Variants in RBM33 observed in about 807,000 individuals in gnomAD.
The protein encoded by RBM33 is RNA-binding protein 33.
Under a neutral mutation model 132.6 loss-of-function variants are expected in RBM33, and 28 were observed. That is an observed-to-expected ratio of 0.21 (90% CI 0.16 to 0.29). The LOEUF (loss-of-function observed/expected upper bound fraction) is 0.29, where lower values mean the gene tolerates loss of function less well. RBM33 is among the 10% of genes least tolerant of loss of function. The pLI is 1.00. For missense variants in RBM33, 1,291 were observed against 1,518.5 expected, an observed-to-expected ratio of 0.85 and a Z score of 2.49; for synonymous variants, 634 against 593.0, an observed-to-expected ratio of 1.07 and a Z score of -1.01.
At chr7:155,754,209 CAG>C (rs1801774577) in intron 14 of RBM33, among the ~76,000 whole-genome samples, 1 of 152,126 alleles carries the variant, frequency 6.6e-6, no homozygotes. Context: ...GCAGGTGAGT[CAG>C]AAATAATTCA....
rs1290516980 is a variant in RBM33 at position 155,774,416 on chromosome 7, G to A, written c.3376-143G>A. ...GATAAGTAAGACAAATTGCCAGGGAGCTAGAAAGGAAAATCAATTAGTGTG... is the reference window on the plus strand; with the variant it reads ...GATAAGTAAGACAAATTGCCAGGGAACTAGAAAGGAAAATCAATTAGTGTG... On this transcript the variant is annotated intron_variant, in intron 16 of 17. Coordinates refer to ENST00000401878, the MANE Select transcript of RBM33 (RefSeq NM_053043.3). The surrounding 1 kb of genome is among the most constrained non-coding windows in gnomAD (Gnocchi z 4.2). The A allele has an allele frequency of 8.2e-6, 5 of 606,554 alleles. No individual in the cohort carries two copies. Among genetic ancestry groups the A allele is most frequent in the Non-Finnish European group, 1.4e-5 (5 of 346,796 alleles). The allele number at this position is 606,554 out of a possible 1,614,324, so 37.6% of individuals were successfully genotyped here. A position where few individuals can be genotyped will look rare whatever the true frequency, so the allele number is the denominator to read the frequency against.
chr7:155,673,798 A>ACACACC (rs1297448595), intron 3 of RBM33, among the ~76,000 whole-genome samples: 3 of 144,086 alleles, frequency 2.1e-5, no homozygotes, highest in Admixed American at 1.4e-4. Flanking sequence ...ACACACACAC[A>ACACACC]CACCCCTACC....
rs575174951 is a variant in RBM33 at position 155,679,556 on chromosome 7, A to G, written c.248+872A>G. 4.6e-5 allele frequency among the ~76,000 whole-genome samples: 7 copies of G among 152,358 alleles called. No individual in the cohort carries two copies. In the South Asian group the frequency reaches 1.4e-3, roughly 32 times the overall value. ...TATTTTATGAGGAAACATCGGGAAA[A>G]TGTAGACAAGCTCTTGTTATAAATG... On this transcript the variant is annotated intron_variant, in intron 4 of 17. Coordinates refer to ENST00000401878, the MANE Select transcript of RBM33 (RefSeq NM_053043.3).
chr7:155,655,418 T>C (rs1025133884), intron 1 of RBM33, among the ~76,000 whole-genome samples: 1 of 152,196 alleles, frequency 6.6e-6, no homozygotes, highest in Non-Finnish European at 1.5e-5. Context: ...CTTGTACATA[T>C]TACCTTTGTT....
intron 16 of RBM33, 50 bp downstream of exon 16, chr7:155,766,705 C>CA: frequency 6.5e-7 from 1 of 1,540,442 alleles, no homozygotes; most frequent in Non-Finnish European, 8.8e-7. Flanking sequence ...TGTCCCAAGA[C>CA]AAAATCATTT....
intron 8 of RBM33, among the ~76,000 whole-genome samples, chr7:155,712,399 T>C (rs1800332106): frequency 6.6e-6 from 1 of 152,246 alleles, no homozygotes; most frequent in Non-Finnish European, 1.5e-5. Context: ...TTGAGTTATA[T>C]TGACGAACAA....
chr7:155,684,926 C>T (rs1023876073), intron 5 of RBM33: 3 of 1,549,226 alleles, frequency 1.9e-6, no homozygotes, highest in Non-Finnish European at 2.6e-6. Context: ...TCTTTAATGG[C>T]TGTTAGGATG....
chr7:155,751,021 T>C lies in RBM33; in HGVS notation c.2979+5419T>C, dbSNP rs965132173. On this transcript the variant is annotated intron_variant, in intron 14 of 17. Transcript: ENST00000401878. Reference sequence around the variant, plus strand: ...GTTTATTTGTGGGATCATGCATTTATGGCTTTGGACTGCATTTGTAAATTT... The same window carrying C: ...GTTTATTTGTGGGATCATGCATTTACGGCTTTGGACTGCATTTGTAAATTT... Among the ~76,000 whole-genome samples the C allele has an allele frequency of 7.0e-4, 106 of 152,222 alleles. 1 individual carries two copies.
At chr7:155,694,185 C>A (rs1799726156) in intron 5 of RBM33, among the ~76,000 whole-genome samples, 1 of 152,040 alleles carries the variant, frequency 6.6e-6, no homozygotes, top group African/African-American at 2.4e-5. Flanking sequence ...AATTGAAAAG[C>A]CTATTTTAGG....
chr7:155,775,015 A>G lies in RBM33; in HGVS notation c.3487A>G (p.Ile1163Val). The stretch of plus-strand genomic sequence containing the variant: ...CAGGCATATGATAGATTTGTCCCAC[A>G]TAAATGTGGCCCTGATCGTGGAGTG... ...FHRHMIDLSHINVALIVE is the reference protein window; with the variant it reads ...FHRHMIDLSHVNVALIVE Residue 1163 changes from isoleucine (I) to valine (V), a missense_variant, in exon 18 of 18, where the codon ATA becomes GTA. Around this residue, in one of 7 missense-constraint regions of RBM33, gnomAD observed 55 missense variants for 101.4 expected, o/e 0.54. Coordinates refer to ENST00000401878, the MANE Select transcript of RBM33 (RefSeq NM_053043.3). The G allele has an allele frequency of 6.2e-7, 1 of 1,613,896 alleles. No homozygotes were observed. The highest frequency in any genetic ancestry group is 8.5e-7 in the Non-Finnish European group (1 of 1,179,802).
intron 5 of RBM33, among the ~76,000 whole-genome samples, chr7:155,699,374 C>T (rs927146850): frequency 8.5e-5 from 13 of 152,224 alleles, no homozygotes; most frequent in Non-Finnish European, 1.9e-4. Context: ...GATGACTGGG[C>T]ATTGAATTGG....
Position 155,718,455 on chromosome 7 carries a change from C to T in RBM33, c.1260+12C>T. 1 of 1,611,552 alleles carries T rather than the reference C, an allele frequency of 6.2e-7. No individual in the cohort carries two copies. Among genetic ancestry groups the T allele is most frequent in the African/African-American group, 1.3e-5 (1 of 74,948 alleles). On this transcript the variant is annotated intron_variant, in intron 9 of 17. Transcript: ENST00000401878. ...CCCAGAGATTCCCAGTGAGTAGCAG[C>T]TGCTCCTTCTCCTTTGATAGGGATG... is the stretch of plus-strand genomic sequence containing the variant.
rs144243827 is a variant in RBM33 at position 155,742,007 on chromosome 7, C to T, written c.2238C>T (p.Ala746=). ...TCAGCGCGTCACCACCCTCGCGGGC[C>T]GTGGCGGGTTCCAGAAGCTCACAGG... is the stretch of plus-strand genomic sequence containing the variant. The part of the protein sequence containing the change: ...PIVSASPPSR[A]VAGSRSSQGK... The change falls in exon 13 of 18, where the codon GCC becomes GCT. Residue 746 remains alanine, a synonymous_variant. Transcript: ENST00000401878. The T allele has an allele frequency of 2.1e-4, 337 of 1,614,000 alleles. 16 individuals are homozygous for T. In the South Asian group the frequency reaches 3.3e-3, roughly 16 times the overall value.
rs1049820319 is a variant in RBM33 at position 155,745,054 on chromosome 7, C to A, written c.2431C>A (p.Arg811=). The A allele has an allele frequency of 1.9e-6, 3 of 1,609,398 alleles. No individual in the cohort carries two copies. The highest frequency in any genetic ancestry group is 2.5e-6 in the Non-Finnish European group (3 of 1,177,740). Residue 811 remains arginine, a synonymous_variant, in exon 14 of 18, where the codon CGG becomes AGG. Transcript: ENST00000401878. The surrounding 1 kb of genome is among the most constrained non-coding windows in gnomAD (Gnocchi z 4.1). ...REEILKQKEL[R]RQQQAGARKK... Reference sequence around the variant, plus strand: ...AGAAATCCTGAAACAGAAGGAGTTACGGCGGCAGCAGCAGGCTGGTGCCAG... The same window carrying A: ...AGAAATCCTGAAACAGAAGGAGTTAAGGCGGCAGCAGCAGGCTGGTGCCAG...
intron 14 of RBM33, among the ~76,000 whole-genome samples, chr7:155,752,181 T>C (rs1801706265): frequency 6.6e-6 from 1 of 152,214 alleles, no homozygotes; most frequent in African/African-American, 2.4e-5. Context: ...TTGTTCTTTC[T>C]CTGTATGGGC....
intron 9 of RBM33, among the ~76,000 whole-genome samples, chr7:155,725,880 A>AT (rs761643316): frequency 1.3e-5 from 2 of 152,212 alleles, no homozygotes; most frequent in African/African-American, 4.8e-5. Flanking sequence ...AATGTTTAGA[A>AT]TGCATCTATA....
chr7:155,732,223 T>A (rs2117014517), intron 9 of RBM33, among the ~76,000 whole-genome samples: 1 of 152,366 alleles, frequency 6.6e-6, no homozygotes, highest in South Asian at 2.1e-4. Context: ...ACTGATACAT[T>A]AAGCTTTGCT....
intron 9 of RBM33, among the ~76,000 whole-genome samples, chr7:155,724,989 T>TG (rs1491436947): frequency 6.2e-4 from 59 of 94,996 alleles, no homozygotes; most frequent in East Asian, 3.5e-3. Context: ...TGTGTACAGG[T>TG]TTGTGTGTGT....
Position 155,745,180 on chromosome 7 carries a change from A to C in RBM33, c.2557A>C (p.Thr853Pro). 1 of 1,610,692 alleles carries C rather than the reference A, an allele frequency of 6.2e-7. No individual in the cohort carries two copies. Among genetic ancestry groups the C allele is most frequent in the Non-Finnish European group, 8.5e-7 (1 of 1,178,442 alleles). Residue 853 changes from threonine to proline, a missense_variant, in exon 14 of 18, where the codon ACC (threonine) becomes CCC (proline). By Grantham distance (38) the Thr-to-Pro change is conservative (BLOSUM62 -1). Transcript: ENST00000401878. The surrounding 1 kb of genome is among the most constrained non-coding windows in gnomAD (Gnocchi z 4.1). ...QEEQALSPSP[T>P]NGNPLLPFPG... ...AGAGCAGGCACTGTCACCATCACCC[A>C]CCAACGGTAACCCACTGTTGCCCTT... is the stretch of plus-strand genomic sequence containing the variant.
Sources: gnomAD v4.1 joint callset for allele counts (sites outside exome capture counted in the v4.1 genomes callset) on GRCh38, gnomAD v4.1.1 for gene constraint, gnomAD v4.1.1 regional missense constraint, Gnocchi (gnomAD v3.1) non-coding constraint, MANE v1.5 for transcripts, NCBI Gene and HGNC (gene_info 2026-07-23, HGNC 2026-07-21) for gene names.